NOXRED1: variants seen among roughly 807,000 people sequenced by gnomAD.
NOXRED1 encodes the protein NADP dependent oxidoreductase domain containing 1.
A neutral mutation model predicts 30.4 loss-of-function variants in NOXRED1; 20 were observed. The observed-to-expected ratio is 0.66, with a 90% CI of 0.46 to 0.96. The LOEUF is 0.96. Among genes scored for constraint, NOXRED1 ranks in the 40% least tolerant of loss-of-function variants. The pLI is 0.00. For missense variants in NOXRED1, 374 were observed against 428.0 expected (o/e 0.87, Z 1.11); for synonymous variants, 155 against 168.0 (o/e 0.92, Z 0.60).
Position 77,422,948 on chromosome 14 carries a change from T to C in NOXRED1, c.-59A>G, listed in dbSNP as rs926816261. The C allele has an allele frequency of 9.0e-6, 13 of 1,438,436 alleles. No homozygotes were observed. The highest frequency in any genetic ancestry group is 1.2e-5 in the Non-Finnish European group (13 of 1,040,658). 89.1% of individuals were successfully genotyped at this position (1,438,436 alleles called of 1,614,324 possible). Reference sequence around the variant, plus strand: ...TAATCAATTTGGCTCCCTGTCCCGGTAGAAGAGGGGTCTATGTAGGAGGTG... The same window carrying C: ...TAATCAATTTGGCTCCCTGTCCCGGCAGAAGAGGGGTCTATGTAGGAGGTG... On this transcript the variant is annotated 5_prime_UTR_variant, in exon 1 of 6. Transcript: ENST00000380835.
chr14:77,407,460 G>C lies in NOXRED1; in HGVS notation c.530+5C>G. ...GCCAGTTCCATTCTCACCCTAACAA[G>C]ATACCTGGGTAGTGGGATGGCAGCT... On this transcript the variant is annotated splice_donor_5th_base_variant and intron_variant, in intron 3 of 5. Coordinates refer to ENST00000380835, the MANE Select transcript of NOXRED1 (RefSeq NM_001113475.3). 1 of 1,609,858 alleles carries C rather than the reference G, an allele frequency of 6.2e-7. No homozygotes were observed.
rs1161499456 is a variant in NOXRED1 at position 77,423,495 on chromosome 14, C to T, written c.-606G>A. The T allele has an allele frequency of 6.6e-6, 1 of 152,020 alleles. No homozygotes were observed. The highest frequency in any genetic ancestry group is 1.9e-4 in the East Asian group (1 of 5,158). 9.4% of individuals were successfully genotyped at this position (152,020 alleles called of 1,614,324 possible). ...CCAAACAGAGAAGATTGGCTCTGCT[C>T]CTCAGTACTTCTGATCCTGGAAGGT... On this transcript the variant is annotated 5_prime_UTR_variant, in exon 1 of 6. Coordinates refer to ENST00000380835, the MANE Select transcript of NOXRED1 (RefSeq NM_001113475.3).
At chr14:77,399,173 T>C (rs898284652) in intron 5 of NOXRED1, among the ~76,000 whole-genome samples, 1 of 151,936 alleles carries the variant, frequency 6.6e-6, no homozygotes, top group African/African-American at 2.4e-5. Flanking sequence ...AAAATAACTA[T>C]GACTGAGGCC....
rs146331970 is a variant in NOXRED1, at chr14:77,418,692, G to A, written c.155+4043C>T. Among the ~76,000 whole-genome samples, 506 of 151,404 alleles carry A rather than the reference G, an allele frequency of 3.3e-3. 3 individuals carry two copies. Among genetic ancestry groups the A allele is most frequent in the Admixed American group, 0.019 (285 of 15,204 alleles). On this transcript the variant is annotated intron_variant, in intron 1 of 5. Coordinates refer to ENST00000380835, the MANE Select transcript of NOXRED1 (RefSeq NM_001113475.3). ...CCACAGGTGTGTACCACTATGCCCAGCTAATTGTTTTTTTTTTTAAGAGAT... is the reference window on the plus strand; with the variant it reads ...CCACAGGTGTGTACCACTATGCCCAACTAATTGTTTTTTTTTTTAAGAGAT...
At chr14:77,405,301 A>C (rs1055474037) in intron 5 of NOXRED1, among the ~76,000 whole-genome samples, 3 of 152,170 alleles carry the variant, frequency 2.0e-5, no homozygotes, top group African/African-American at 7.2e-5. Flanking sequence ...AGGCTGAGGC[A>C]CTTGAATCAC....
chr14:77,414,904 C>T (rs554973707), intron 1 of NOXRED1, among the ~76,000 whole-genome samples: 3 of 151,992 alleles, frequency 2.0e-5, no homozygotes, highest in South Asian at 2.1e-4. Flanking sequence ...ATGCTGGGTA[C>T]GGTGGCTCAC....
chr14:77,394,720 C>G lies in NOXRED1; in HGVS notation c.991G>C (p.Asp331His), dbSNP rs749509420. The G allele has an allele frequency of 2.5e-6, 4 of 1,613,262 alleles. No homozygotes were observed. Among genetic ancestry groups the G allele is most frequent in the Non-Finnish European group, 3.4e-6 (4 of 1,179,288 alleles). The part of the protein sequence containing the change: ...QHLSSSPVLQ[D>H]HLTHLYCASF... The stretch of plus-strand genomic sequence containing the variant: ...GCACAGTATAGATGGGTAAGGTGGT[C>G]TTGGAGAACAGGACTACTTGAGAGA... The change falls in exon 6 of 6, where the codon GAC becomes CAC. Residue 331 changes from aspartate (D) to histidine (H), a missense_variant. By Grantham distance (81) the Asp-to-His change is moderately conservative. Coordinates refer to ENST00000380835, the MANE Select transcript of NOXRED1 (RefSeq NM_001113475.3).
At chr14:77,418,650 C>A in intron 1 of NOXRED1, among the ~76,000 whole-genome samples, 1 of 151,978 alleles carries the variant, frequency 6.6e-6, no homozygotes. Flanking sequence ...CCACATCAGA[C>A]TACCACGTAC....
intron 5 of NOXRED1, among the ~76,000 whole-genome samples, chr14:77,399,922 C>A (rs75274367): frequency 0.019 from 2,962 of 151,926 alleles, 89 homozygotes; most frequent in African/African-American, 0.067. Flanking sequence ...AGAAACTATA[C>A]CTAAACATAT....
chr14:77,405,642 T>C (rs1894437372), intron 5 of NOXRED1, among the ~76,000 whole-genome samples: 1 of 152,180 alleles, frequency 6.6e-6, no homozygotes. Context: ...TAACACTGTA[T>C]ATATAGGAAT....
At chr14:77,402,254 T>G (rs773526574) in intron 5 of NOXRED1, among the ~76,000 whole-genome samples, 5 of 152,208 alleles carry the variant, frequency 3.3e-5, no homozygotes, top group Non-Finnish European at 5.9e-5. Context: ...AATGAAAACA[T>G]AAGCCACAGA....
In NOXRED1 at chr14:77,408,892, A is replaced by ATTT. The variant is rs1177680524; in HGVS notation, c.350-1250_350-1248dup. ...GCATAAAAACACTCACTGGTAGTTA[A>ATTT]TTTTTTTTTTTTTTTTTTTTGGCTA... On this transcript the variant is annotated intron_variant, in intron 2 of 5. Coordinates refer to ENST00000380835, the MANE Select transcript of NOXRED1 (RefSeq NM_001113475.3). Among the ~76,000 whole-genome samples, 125 of 68,178 alleles carry ATTT rather than the reference A, an allele frequency of 1.8e-3. 18 individuals carry two copies. In the South Asian group the frequency reaches 0.028, roughly 15 times the overall value. The allele number at this position is 68,178 out of a possible 152,430, so 44.7% of individuals were successfully genotyped here.
In NOXRED1 at chr14:77,406,757, T is replaced by C. The variant is rs1894477460; in HGVS notation, c.649A>G (p.Ile217Val). 3 of 1,613,962 alleles carry C rather than the reference T, an allele frequency of 1.9e-6. No individual in the cohort carries two copies. The South Asian group carries it at 3.3e-5, about 18-fold the overall frequency. The stretch of plus-strand genomic sequence containing the variant: ...CTGTAGGGACAGGTAGCTTGAAGAA[T>C]CGTAGGATCTTGGAGAGCAGCTATG... ...GVIAALQDPT[I>V]LQATCPYSPA... Residue 217 changes from isoleucine to valine, a missense_variant, in exon 4 of 6, where the codon ATT (isoleucine) becomes GTT (valine). By Grantham distance (29) the Ile-to-Val change is conservative (BLOSUM62 3). Coordinates refer to ENST00000380835, the MANE Select transcript of NOXRED1 (RefSeq NM_001113475.3).
At chr14:77,416,677 C>T (rs1894833490) in intron 1 of NOXRED1, among the ~76,000 whole-genome samples, 1 of 152,246 alleles carries the variant, frequency 6.6e-6, no homozygotes, top group Non-Finnish European at 1.5e-5. Context: ...TTCCACAAAA[C>T]CGCCATTGTC....
At chr14:77,407,059 C>T (rs763631565) in intron 3 of NOXRED1, among the ~76,000 whole-genome samples, 184 bp from the exon 4 acceptor site, 1 of 152,190 alleles carries the variant, frequency 6.6e-6, no homozygotes, top group Non-Finnish European at 1.5e-5. Context: ...CAAATCCTTA[C>T]TTATTGAATG....
chr14:77,404,910 T>A (rs184757870), intron 5 of NOXRED1, among the ~76,000 whole-genome samples: 15 of 152,290 alleles, frequency 9.8e-5, no homozygotes, highest in Admixed American at 9.8e-4. Context: ...ATCAAAAATA[T>A]TTATTTGATA....
At position 77,406,090 on chromosome 14, in the gene NOXRED1, G is replaced by A. The variant is rs775895152; in HGVS notation, c.728C>T (p.Ala243Val). Residue 243 changes from alanine (A) to valine (V), a missense_variant, in exon 5 of 6, where the codon GCG (alanine) becomes GTG (valine). By Grantham distance (64) the Ala-to-Val change is moderately conservative. Coordinates refer to ENST00000380835, the MANE Select transcript of NOXRED1 (RefSeq NM_001113475.3). Reference protein sequence around the residue: ...NIKWLEGVFYAALNICTARNM... With the variant: ...NIKWLEGVFYVALNICTARNM... ...TCTTGCTGTGCATATGTTTAGGGCC[G>A]CATAGAACACTCCCTCCAACCACTT... 2.3e-5 allele frequency: 37 copies of A among 1,613,290 alleles called. No homozygotes were observed. Among genetic ancestry groups the A allele is most frequent in the African/African-American group, 5.3e-5 (4 of 74,882 alleles).
intron 5 of NOXRED1, 59 bp from the exon 6 acceptor site, chr14:77,394,864 G>A (rs1157736614): frequency 1.6e-6 from 2 of 1,227,998 alleles, no homozygotes; most frequent in East Asian, 4.7e-5. Context: ...TGATTTGGCT[G>A]TTAAACACAT....
At chr14:77,419,562 C>A (rs1158462611) in intron 1 of NOXRED1, among the ~76,000 whole-genome samples, 2 of 151,232 alleles carry the variant, frequency 1.3e-5, no homozygotes, top group Non-Finnish European at 2.9e-5. Context: ...CATTCTCCTG[C>A]CTCAGCCTCC....
Sources: gnomAD v4.1 joint callset for allele counts (sites outside exome capture counted in the v4.1 genomes callset) on GRCh38, gnomAD v4.1.1 for gene constraint, MANE v1.5 for transcripts, NCBI Gene and HGNC (gene_info 2026-07-23, HGNC 2026-07-21) for gene names.